The following EMB variants were observed in gnomAD, a reference collection of about 807,000 sequenced individuals.
EMB encodes the protein embigin, also known as embigin homolog.
In EMB, 31 loss-of-function variants were observed where a neutral mutation model predicts 41.4. That is an observed-to-expected ratio of 0.75 (90% CI 0.56 to 1.01). The LOEUF (loss-of-function observed/expected upper bound fraction) is 1.01, where lower values mean the gene tolerates loss of function less well. Ranked by LOEUF, EMB falls within the 50% of genes least tolerant of loss-of-function variation. The probability of loss-of-function intolerance (pLI) is 0.00; values close to 1 mark genes in which losing one functional copy is unlikely to be tolerated. For missense variants in EMB, 379 were observed against 388.3 expected, an observed-to-expected ratio of 0.98 and a Z score of 0.20; for synonymous variants, 137 against 140.4, an observed-to-expected ratio of 0.98 and a Z score of 0.17.
chr5:50,401,594 G>A lies in EMB; in HGVS notation c.911+692C>T, dbSNP rs182190264. 2.8e-3 allele frequency among the ~76,000 whole-genome samples: 428 copies of A among 152,008 alleles called. 3 individuals are homozygous for A. The highest frequency in any genetic ancestry group is 9.5e-3 in the African/African-American group (396 of 41,482). ...TCAGTTCTCTGGCTTCGAGGAATTCGGAACTCCCATCTTTGCCAAACTAAA... is the reference window on the plus strand; with the variant it reads ...TCAGTTCTCTGGCTTCGAGGAATTCAGAACTCCCATCTTTGCCAAACTAAA... On this transcript the variant is annotated intron_variant, in intron 7 of 8. Transcript: ENST00000303221.
At chr5:50,401,208 T>C (rs987094172) in intron 7 of EMB, among the ~76,000 whole-genome samples, 4 of 152,056 alleles carry the variant, frequency 2.6e-5, no homozygotes, top group African/African-American at 9.7e-5. Flanking sequence ...TCTGGTGTTA[T>C]AGGATTTCTG....
At chr5:50,432,172 G>T (rs930889623) in intron 1 of EMB, among the ~76,000 whole-genome samples, 5 of 152,058 alleles carry the variant, frequency 3.3e-5, no homozygotes, top group African/African-American at 7.2e-5. Context: ...GGAAATAAAT[G>T]CAACTACATC....
chr5:50,431,801 C>T (rs1234351351), intron 1 of EMB, among the ~76,000 whole-genome samples: 2 of 152,114 alleles, frequency 1.3e-5, no homozygotes, highest in African/African-American at 2.4e-5. Context: ...AATAGTTGCT[C>T]AAGAGATTAA....
chr5:50,433,108 C>A (rs1422158579), intron 1 of EMB, among the ~76,000 whole-genome samples: 1 of 151,962 alleles, frequency 6.6e-6, no homozygotes. Context: ...TATAGTAATC[C>A]TGATGGGAAC....
At chr5:50,404,039 A>C (rs557739630) in intron 5 of EMB, among the ~76,000 whole-genome samples, 1 of 151,954 alleles carries the variant, frequency 6.6e-6, no homozygotes, top group South Asian at 2.1e-4. Flanking sequence ...TCATATCTGA[A>C]TTTCTTTCTC....
intron 1 of EMB, among the ~76,000 whole-genome samples, chr5:50,430,829 A>G (rs1335739580): frequency 6.6e-6 from 1 of 152,148 alleles, no homozygotes; most frequent in African/African-American, 2.4e-5. Flanking sequence ...TGCTGGGGCT[A>G]TTCTCCCTTA....
intron 2 of EMB, among the ~76,000 whole-genome samples, chr5:50,420,855 T>A (rs752124336): frequency 1.3e-5 from 2 of 152,206 alleles, no homozygotes; most frequent in African/African-American, 2.4e-5. Flanking sequence ...CCTCATGATT[T>A]ATATGAGGAA....
intron 4 of EMB, among the ~76,000 whole-genome samples, chr5:50,407,985 C>T (rs533495864): frequency 7.2e-5 from 11 of 151,868 alleles, no homozygotes; most frequent in Non-Finnish European, 1.3e-4. Context: ...CTTTTAGGTA[C>T]CACTAAATTA....
chr5:50,431,427 C>G (rs570158782), intron 1 of EMB, among the ~76,000 whole-genome samples: 5 of 152,124 alleles, frequency 3.3e-5, no homozygotes, highest in Non-Finnish European at 7.3e-5. Context: ...GCAGGAGACT[C>G]AGGCAGATGT....
intron 2 of EMB, among the ~76,000 whole-genome samples, chr5:50,421,975 A>T (rs918793074): frequency 1.3e-5 from 2 of 151,978 alleles, no homozygotes; most frequent in African/African-American, 2.4e-5. Flanking sequence ...CAGCACACCA[A>T]CATGGCACAT....
At chr5:50,437,278 AAATG>A (rs746741610) in intron 1 of EMB, among the ~76,000 whole-genome samples, 3 of 152,134 alleles carry the variant, frequency 2.0e-5, no homozygotes, top group Non-Finnish European at 4.4e-5. Flanking sequence ...CTCAAAAATT[AAATG>A]AATGAATGAA....
At position 50,441,247 on chromosome 5, in the gene EMB, G is replaced by A; in HGVS notation, c.-96C>T. ...CCCTGCGCACACTCGCAGGTGGCCC[G>A]GCGCTCGCAGCCAGTGCCGCGGGTA... On this transcript the variant is annotated 5_prime_UTR_variant, in exon 1 of 9. Transcript: ENST00000303221. The A allele has an allele frequency of 1.4e-6, 1 of 694,880 alleles. No individual in the cohort carries two copies. Among genetic ancestry groups the A allele is most frequent in the Non-Finnish European group, 2.0e-6 (1 of 491,626 alleles). The allele number at this position is 694,880 out of a possible 1,614,324, so 43.0% of individuals were successfully genotyped here.
chr5:50,405,604 A>C, intron 5 of EMB, 121 bp downstream of exon 5: 2 of 1,368,684 alleles, frequency 1.5e-6, no homozygotes, highest in Non-Finnish European at 1.9e-6. Context: ...ACATAAGCTA[A>C]ACAACAAGAT....
chr5:50,408,169 T>C (rs1745278195), intron 4 of EMB, among the ~76,000 whole-genome samples: 2 of 152,144 alleles, frequency 1.3e-5, no homozygotes, highest in African/African-American at 4.8e-5. Context: ...CATTTGGTAC[T>C]ATCAAAATCT....
intron 1 of EMB, chr5:50,428,662 C>T: frequency 1.0e-6 from 1 of 985,800 alleles, no homozygotes; most frequent in Non-Finnish European, 1.2e-6. Flanking sequence ...ATAGATAGCA[C>T]TGGGCACCAG....
chr5:50,400,739 G>T (rs902649655), intron 7 of EMB, among the ~76,000 whole-genome samples: 1 of 151,928 alleles, frequency 6.6e-6, no homozygotes, highest in Non-Finnish European at 1.5e-5. Flanking sequence ...GATCCTTATG[G>T]TGCTATACAA....
intron 2 of EMB, among the ~76,000 whole-genome samples, chr5:50,415,003 GT>G (rs980080515): frequency 1.3e-5 from 2 of 152,134 alleles, no homozygotes; most frequent in South Asian, 2.1e-4. Flanking sequence ...CACTGAAGTC[GT>G]TTTTTTATTT....
At chr5:50,420,086 G>C (rs1014631175) in intron 2 of EMB, among the ~76,000 whole-genome samples, 3 of 152,134 alleles carry the variant, frequency 2.0e-5, no homozygotes, top group Non-Finnish European at 4.4e-5. Context: ...TGGGCTTACT[G>C]TCTAGGTGAT....
At chr5:50,432,691 T>C (rs1301095984) in intron 1 of EMB, among the ~76,000 whole-genome samples, 2 of 144,412 alleles carry the variant, frequency 1.4e-5, no homozygotes, top group East Asian at 4.0e-4. Context: ...AAATAAGGCA[T>C]CTCTGAGTCC....
Sources: gnomAD v4.1 joint callset for allele counts (sites outside exome capture counted in the v4.1 genomes callset) on GRCh38, gnomAD v4.1.1 for gene constraint, MANE v1.5 for transcripts, NCBI Gene and HGNC (gene_info 2026-07-23, HGNC 2026-07-21) for gene names.